The following DISC1 variants were observed in gnomAD, a reference collection of about 807,000 sequenced individuals.
The protein encoded by DISC1 is DISC1 scaffold protein.
In DISC1, 57 loss-of-function variants were observed where a neutral mutation model predicts 84.5. That is an observed-to-expected ratio of 0.67 (90% confidence interval 0.55 to 0.84). DISC1 has a LOEUF of 0.84. Ranked by LOEUF, DISC1 falls within the 40% of genes least tolerant of loss-of-function variation. DISC1 has a pLI of 0.00. For synonymous variants in DISC1, 411 were observed against 415.2 expected (o/e 0.99, Z 0.12); for missense variants, 1,000 against 1,057.8 (o/e 0.95, Z 0.76).
intron 1 of DISC1, among the ~76,000 whole-genome samples, chr1:231,665,783 T>C (rs1021167208): frequency 2.0e-5 from 3 of 152,228 alleles, no homozygotes; most frequent in Non-Finnish European, 4.4e-5. Context: ...ATTCCCATGT[T>C]GTTCAAGGGT....
intron 3 of DISC1, among the ~76,000 whole-genome samples, chr1:231,711,291 T>C (rs1485924503): frequency 6.6e-6 from 1 of 152,062 alleles, no homozygotes; most frequent in Non-Finnish European, 1.5e-5. Context: ...TATGTGAAAC[T>C]TCAGCTACCA....
rs576574165 is a variant in DISC1, at chr1:231,700,013, C to A, written c.1048-1942C>A. On this transcript the variant is annotated intron_variant, in intron 2 of 12. Coordinates refer to ENST00000439617, the MANE Select transcript of DISC1 (RefSeq NM_018662.3). ...GGAATATTTTTCTCCCAGACAGCCTCGTGGTTCACTCCCTTACCACTTTTA... is the reference window on the plus strand; with the variant it reads ...GGAATATTTTTCTCCCAGACAGCCTAGTGGTTCACTCCCTTACCACTTTTA... Among the ~76,000 whole-genome samples the A allele has an allele frequency of 2.6e-4, 39 of 152,310 alleles. 1 individual carries two copies. The highest frequency in any genetic ancestry group is 2.5e-3 in the South Asian group (12 of 4,832).
At chr1:231,844,480 G>A (rs913375806) in intron 9 of DISC1, among the ~76,000 whole-genome samples, 3 of 152,108 alleles carry the variant, frequency 2.0e-5, no homozygotes, top group Middle Eastern at 3.2e-3. Context: ...GTGGTTTAGG[G>A]TTTTCATGGA....
At chr1:231,975,137 C>CA (rs1295982395) in intron 10 of DISC1, among the ~76,000 whole-genome samples, 1 of 151,278 alleles carries the variant, frequency 6.6e-6, no homozygotes, top group Admixed American at 6.6e-5. Context: ...ACAACAACAA[C>CA]AAAAAACAAA....
intron 9 of DISC1, among the ~76,000 whole-genome samples, chr1:231,868,156 C>T (rs574830292): frequency 1.2e-4 from 18 of 152,304 alleles, no homozygotes; most frequent in Middle Eastern, 3.4e-3. Flanking sequence ...CTGGCATTCT[C>T]AGGTGGGCAA....
intron 10 of DISC1, among the ~76,000 whole-genome samples, chr1:231,987,003 A>G (rs556406451): frequency 6.6e-6 from 1 of 152,274 alleles, no homozygotes; most frequent in African/African-American, 2.4e-5. Flanking sequence ...GCAACAGGGT[A>G]ATTACTTTCT....
intron 9 of DISC1, among the ~76,000 whole-genome samples, chr1:231,843,794 G>A (rs2083255811): frequency 6.6e-6 from 1 of 152,172 alleles, no homozygotes; most frequent in African/African-American, 2.4e-5. Context: ...GAGATTGTAT[G>A]TCTCCTTTGA....
At chr1:231,644,542 G>A (rs77824118) in intron 1 of DISC1, among the ~76,000 whole-genome samples, 3,157 of 152,284 alleles carry the variant, frequency 0.021, 58 homozygotes, top group South Asian at 0.057. Flanking sequence ...TAAGGAAGGG[G>A]TGAGTTGGAA....
intron 1 of DISC1, chr1:231,684,993 A>G (rs982276182): frequency 6.6e-6 from 1 of 152,124 alleles, no homozygotes; most frequent in Non-Finnish European, 1.5e-5. Context: ...TCGCCTCTCC[A>G]AGAAAGAGCA....
chr1:231,707,717 GAT>G (rs145175986), intron 3 of DISC1, among the ~76,000 whole-genome samples: 42,700 of 151,922 alleles, frequency 0.28, 6,624 homozygotes, highest in East Asian at 0.36. Flanking sequence ...CTCTTTTTAT[GAT>G]ATGTTTGTTT....
At chr1:231,703,321 G>T (rs1211874727) in intron 3 of DISC1, among the ~76,000 whole-genome samples, 1 of 152,166 alleles carries the variant, frequency 6.6e-6, no homozygotes, top group African/African-American at 2.4e-5. Flanking sequence ...CAAGTCGGAG[G>T]CAGGGGAAGG....
chr1:231,733,212 T>G (rs1158670795), intron 3 of DISC1, among the ~76,000 whole-genome samples: 2 of 128,338 alleles, frequency 1.6e-5, no homozygotes, highest in African/African-American at 6.0e-5. Flanking sequence ...AGGAAGAGTG[T>G]AGGAGTGTTG....
intron 10 of DISC1, among the ~76,000 whole-genome samples, chr1:232,007,841 T>C (rs1169564737): frequency 1.3e-5 from 2 of 152,152 alleles, no homozygotes; most frequent in Admixed American, 6.5e-5. Context: ...ATCCCCATAA[T>C]CCCCAAATGT....
chr1:231,915,606 G>A (rs781486832), intron 9 of DISC1, among the ~76,000 whole-genome samples: 1 of 152,040 alleles, frequency 6.6e-6, no homozygotes, highest in East Asian at 1.9e-4. Flanking sequence ...GTGAAACCCC[G>A]TCTCTACTAA....
chr1:231,710,041 A>T lies in DISC1; in HGVS notation c.1117+8017A>T, dbSNP rs115382343. On this transcript the variant is annotated intron_variant, in intron 3 of 12. Coordinates refer to ENST00000439617, the MANE Select transcript of DISC1 (RefSeq NM_018662.3). ...GCTCCATAGAAGGTGGTCAGACAGGATGAGGCAGTGACTTCGATCATCTGG... is the reference window on the plus strand; with the variant it reads ...GCTCCATAGAAGGTGGTCAGACAGGTTGAGGCAGTGACTTCGATCATCTGG... Among the ~76,000 whole-genome samples, 494 of 152,238 alleles carry T rather than the reference A, an allele frequency of 3.2e-3. 2 individuals are homozygous for T. The highest frequency in any genetic ancestry group is 0.011 in the African/African-American group (476 of 41,530).
intron 9 of DISC1, among the ~76,000 whole-genome samples, chr1:231,914,202 A>G (rs2089457384): frequency 6.6e-6 from 1 of 152,192 alleles, no homozygotes; most frequent in Non-Finnish European, 1.5e-5. Flanking sequence ...GAGTGAATTC[A>G]CGAGGAAAAG....
In DISC1 at chr1:231,693,858, T is replaced by C. The variant is rs764834743; in HGVS notation, c.100T>C (p.Phe34Leu). The C allele has an allele frequency of 1.2e-6, 2 of 1,613,998 alleles. No individual in the cohort carries two copies. Among genetic ancestry groups the C allele is most frequent in the Non-Finnish European group, 1.7e-6 (2 of 1,180,008 alleles). Residue 34 changes from phenylalanine to leucine, a missense_variant, in exon 2 of 13, where the codon TTT becomes CTT. By Grantham distance (22) the Phe-to-Leu change is conservative. Coordinates refer to ENST00000439617, the MANE Select transcript of DISC1 (RefSeq NM_018662.3). ...GGATTGCTTACCACCTGCAGCGTGC[T>C]TTCGGAGGCGGCGGCTGGCACGGAG... ...SRDCLPPAACFRRRRLARRPG... is the reference protein window; with the variant it reads ...SRDCLPPAACLRRRRLARRPG...
chr1:231,647,065 T>A (rs1391949718), intron 1 of DISC1, among the ~76,000 whole-genome samples: 2 of 152,236 alleles, frequency 1.3e-5, no homozygotes, highest in Admixed American at 1.3e-4. Context: ...CTCTTTAGTT[T>A]AATTAGATCC....
chr1:231,722,901 G>C, intron 3 of DISC1: 1 of 1,312,846 alleles, frequency 7.6e-7, no homozygotes, highest in Non-Finnish European at 9.7e-7. Context: ...TCTGTGTTGG[G>C]ACAATTAGAT....
Sources: allele counts gnomAD v4.1 joint callset (sites outside exome capture counted in the v4.1 genomes callset), GRCh38; gene constraint gnomAD v4.1.1; transcripts MANE v1.5; gene names NCBI Gene and HGNC (gene_info 2026-07-23, HGNC 2026-07-21).